The following MRTFB variants were observed in gnomAD, a reference collection of about 807,000 sequenced individuals.
The protein encoded by MRTFB is myocardin related transcription factor B.
Under a neutral mutation model 104.2 loss-of-function variants are expected in MRTFB, and 29 were observed. The ratio of observed to expected loss-of-function variants is 0.28; its 90% confidence interval spans 0.21 to 0.38. MRTFB has a LOEUF of 0.38. Among genes scored for constraint, MRTFB ranks in the 10% least tolerant of loss-of-function variants. The probability of loss-of-function intolerance (pLI) is 1.00; values close to 1 mark genes in which losing one functional copy is unlikely to be tolerated. For synonymous variants in MRTFB, 535 were observed against 519.5 expected (o/e 1.03, Z -0.41); for missense variants, 1,270 against 1,341.6 (o/e 0.95, Z 0.83).
intron 2 of MRTFB, among the ~76,000 whole-genome samples, chr16:14,096,995 A>G (rs2035413173): frequency 1.3e-5 from 2 of 152,232 alleles, no homozygotes; most frequent in Non-Finnish European, 2.9e-5. Flanking sequence ...ACAGTTCTTT[A>G]GTCATCATTA....
In MRTFB at chr16:14,261,153, T is replaced by C. The variant is rs1415946387; in HGVS notation, c.3009T>C (p.Ser1003=). Residue 1003 remains serine (S), a synonymous_variant, in exon 17 of 17, where the codon AGT becomes AGC. Transcript: ENST00000571589. The stretch of plus-strand genomic sequence containing the variant: ...AAATTCCTCCACTACAAAGCAGCAG[T>C]GAAGACAGAGAGCCCTTCTCTCTGA... ...ANEIPPLQSS[S]EDREPFSLIE... 2.5e-6 allele frequency: 4 copies of C among 1,614,190 alleles called. No homozygotes were observed. In the Admixed American group the frequency reaches 5.0e-5, roughly 20 times the overall value.
At chr16:14,114,530 C>T (rs1050872414) in intron 2 of MRTFB, among the ~76,000 whole-genome samples, 14 of 152,146 alleles carry the variant, frequency 9.2e-5, no homozygotes, top group Non-Finnish European at 1.6e-4. Flanking sequence ...GGTAAAAGCT[C>T]GTTTCCTGCC....
chr16:14,155,629 A>T (rs1435325484), intron 3 of MRTFB, among the ~76,000 whole-genome samples: 1 of 152,196 alleles, frequency 6.6e-6, no homozygotes, highest in Non-Finnish European at 1.5e-5. Context: ...GGCCTTTCTT[A>T]AATTTTTTAG....
At chr16:14,188,804 CTCTT>C (rs2040052082) in intron 3 of MRTFB, among the ~76,000 whole-genome samples, 1 of 152,130 alleles carries the variant, frequency 6.6e-6, no homozygotes, top group East Asian at 1.9e-4. Context: ...TTTCTCATCT[CTCTT>C]CTTGCTTTTT....
chr16:13,999,060 T>C, the MRTFB span, among the ~76,000 whole-genome samples: 16 of 151,424 alleles, frequency 1.1e-4, no homozygotes, highest in African/African-American at 3.4e-4. Context: ...CGTGGTAGCA[T>C]GTGCCTGTAG....
intron 6 of MRTFB, 101 bp downstream of exon 6, chr16:14,213,721 C>G: frequency 1.1e-6 from 1 of 875,112 alleles, no homozygotes. Context: ...CTTTTTAACC[C>G]ACAGCCTTAC....
chr16:14,246,674 A>G lies in MRTFB; in HGVS notation c.1414A>G (p.Asn472Asp). 3 of 1,614,170 alleles carry G rather than the reference A, an allele frequency of 1.9e-6. No individual in the cohort carries two copies. The highest frequency in any genetic ancestry group is 2.5e-6 in the Non-Finnish European group (3 of 1,180,012). Residue 472 changes from asparagine to aspartate, a missense_variant, in exon 12 of 17, where the codon AAC becomes GAC. This residue lies in a region of MRTFB where 1,144 missense variants were observed against 1,131.5 expected (regional missense o/e 1.01). Transcript: ENST00000571589. ...TVALPVTTLH[N>D]TVTSSVSTLK... ...GGCCTTGCCGGTTACAACACTACACAACACTGTGACTAGCTCAGTCTCTAC... is the reference window on the plus strand; with the variant it reads ...GGCCTTGCCGGTTACAACACTACACGACACTGTGACTAGCTCAGTCTCTAC...
chr16:14,107,076 T>C (rs2036019622), intron 2 of MRTFB, among the ~76,000 whole-genome samples: 1 of 152,058 alleles, frequency 6.6e-6, no homozygotes, highest in South Asian at 2.1e-4. Flanking sequence ...AAAAATTTAA[T>C]AGAAAAGAGC....
At chr16:14,170,600 A>G (rs1407959476) in intron 3 of MRTFB, 2 of 152,224 alleles carry the variant, frequency 1.3e-5, no homozygotes, top group Non-Finnish European at 2.9e-5. Flanking sequence ...ATTTACTGCT[A>G]TAGTTAATGC....
chr16:14,090,968 T>C (rs999422793), intron 2 of MRTFB, among the ~76,000 whole-genome samples: 7 of 151,374 alleles, frequency 4.6e-5, no homozygotes, highest in Admixed American at 3.3e-4. Context: ...GAGTGACAGT[T>C]GCTTGGCTGG....
chr16:14,031,762 A>G, the MRTFB span, among the ~76,000 whole-genome samples: 15 of 152,118 alleles, frequency 9.9e-5, no homozygotes, highest in African/African-American at 3.4e-4. Flanking sequence ...GGTGTCATTC[A>G]TAACAAGGCC....
chr16:14,036,297 TA>T, the MRTFB span, among the ~76,000 whole-genome samples: 13 of 5,654 alleles, frequency 2.3e-3, 1 homozygote, highest in East Asian at 0.065. Flanking sequence ...TATATATATT[TA>T]TATATATATA....
At chr16:14,121,015 A>T (rs2036817591) in intron 2 of MRTFB, among the ~76,000 whole-genome samples, 1 of 152,096 alleles carries the variant, frequency 6.6e-6, no homozygotes. Context: ...TGTATAGTAT[A>T]TTTTTTCCAG....
chr16:14,128,084 A>G (rs1165511465), intron 2 of MRTFB, among the ~76,000 whole-genome samples: 1 of 151,914 alleles, frequency 6.6e-6, no homozygotes, highest in Non-Finnish European at 1.5e-5. Context: ...GCTGCCGAGC[A>G]AGGAGACAGA....
At position 14,158,272 on chromosome 16, in the gene MRTFB, A is replaced by G. The variant is rs1350477787; in HGVS notation, c.154+17512A>G. Reference sequence around the variant, plus strand: ...TCCATGTGTTTCTGCATATTTCCACATTCTTCCTTCTTGCTTACACGGTAG... The same window carrying G: ...TCCATGTGTTTCTGCATATTTCCACGTTCTTCCTTCTTGCTTACACGGTAG... On this transcript the variant is annotated intron_variant, in intron 3 of 16. Coordinates refer to ENST00000571589, the MANE Select transcript of MRTFB (RefSeq NM_001308142.2). 3.3e-5 allele frequency among the ~76,000 whole-genome samples: 5 copies of G among 152,328 alleles called. No homozygotes were observed. The East Asian group carries it at 7.7e-4, about 23-fold the overall frequency.
At chr16:14,013,004 C>T in the MRTFB span, 1 of 152,342 alleles carries the variant, frequency 6.6e-6, no homozygotes, top group East Asian at 1.9e-4. Context: ...TCAAGAGGCC[C>T]CAAATGCAGA....
the MRTFB span, among the ~76,000 whole-genome samples, chr16:14,034,478 G>A: frequency 6.6e-6 from 1 of 152,186 alleles, no homozygotes; most frequent in Non-Finnish European, 1.5e-5. Context: ...GCCAGGCGTG[G>A]TGGTGGGCAC....
chr16:13,995,652 T>A, the MRTFB span, among the ~76,000 whole-genome samples: 1 of 152,228 alleles, frequency 6.6e-6, no homozygotes, highest in Non-Finnish European at 1.5e-5. Context: ...TTCCACAGGC[T>A]GTGCATGAAG....
intron 2 of MRTFB, among the ~76,000 whole-genome samples, chr16:14,122,160 G>A (rs2036878008): frequency 6.6e-6 from 1 of 151,544 alleles, no homozygotes; most frequent in East Asian, 1.9e-4. Flanking sequence ...ATACACATAG[G>A]ACATTCTGTT....
Sources: allele counts gnomAD v4.1 joint callset (sites outside exome capture counted in the v4.1 genomes callset), GRCh38; gene constraint gnomAD v4.1.1; regional missense constraint gnomAD v4.1.1; transcripts MANE v1.5; gene names NCBI Gene and HGNC (gene_info 2026-07-23, HGNC 2026-07-21).